GANC: variants seen among roughly 807,000 people sequenced by gnomAD.
GANC encodes the protein glucosidase alpha, neutral C.
Under a neutral mutation model 124.2 loss-of-function variants are expected in GANC, and 117 were observed. That is an observed-to-expected ratio of 0.94 (90% CI 0.81 to 1.10). The LOEUF (loss-of-function observed/expected upper bound fraction) is 1.10. Among genes scored for constraint, GANC ranks in the 50% least tolerant of loss-of-function variants. The pLI is 0.00. For synonymous variants in GANC, 377 were observed against 376.8 expected (o/e 1.00, Z -0.01); for missense variants, 1,140 against 1,095.0 (o/e 1.04, Z -0.58).
rs2051618492 is a variant in GANC at position 42,273,771 on chromosome 15, C to T, written c.-711C>T. 1 of 221,766 alleles carries T rather than the reference C, an allele frequency of 4.5e-6. No individual in the cohort carries two copies. The highest frequency in any genetic ancestry group is 5.1e-5 in the Admixed American group (1 of 19,602). The allele number at this position is 221,766 out of a possible 1,614,324, so 13.7% of individuals were successfully genotyped here. On this transcript the variant is annotated 5_prime_UTR_variant, in exon 1 of 24. Transcript: ENST00000318010. The stretch of plus-strand genomic sequence containing the variant: ...TCATCCCTTCTAAGTCAATGTCAGA[C>T]TTTGGGGCCAGAAAGTCTGGAAAAG...
intron 10 of GANC, among the ~76,000 whole-genome samples, chr15:42,319,815 C>T (rs2052141051): frequency 6.6e-6 from 1 of 152,184 alleles, no homozygotes. Flanking sequence ...GGTTGAGCAT[C>T]CCAATCTGAA....
intron 14 of GANC, 64 bp from the exon 15 acceptor site, chr15:42,330,512 C>A: frequency 8.9e-7 from 1 of 1,125,784 alleles, no homozygotes; most frequent in Non-Finnish European, 1.3e-6. Flanking sequence ...TGTTAGATAG[C>A]TTATTGGGGA....
chr15:42,276,655 C>T (rs940037426), intron 2 of GANC, among the ~76,000 whole-genome samples: 1 of 152,070 alleles, frequency 6.6e-6, no homozygotes, highest in Non-Finnish European at 1.5e-5. Context: ...TAAATTTTGA[C>T]GCTTTGAATA....
chr15:42,338,631 A>G (rs2052302893), intron 16 of GANC, 141 bp downstream of exon 16: 2 of 676,832 alleles, frequency 3.0e-6, no homozygotes, highest in African/African-American at 1.8e-5. Flanking sequence ...GAAAGTGAAG[A>G]GGAGCGGATT....
At chr15:42,281,015 C>T (rs1237279327) in intron 3 of GANC, 4 of 702,508 alleles carry the variant, frequency 5.7e-6, no homozygotes, top group East Asian at 5.4e-5. Context: ...CAAGACAGCA[C>T]CTGGCTCAAA....
At chr15:42,341,259 T>C (rs2052327793) in intron 18 of GANC, among the ~76,000 whole-genome samples, 1 of 152,128 alleles carries the variant, frequency 6.6e-6, no homozygotes, top group South Asian at 2.1e-4. Flanking sequence ...GTAGCATTTC[T>C]CATAATATTG....
intron 2 of GANC, among the ~76,000 whole-genome samples, chr15:42,276,732 CCT>C (rs1307570470): frequency 6.6e-6 from 1 of 152,160 alleles, no homozygotes; most frequent in African/African-American, 2.4e-5. Context: ...TGCTTCCACT[CCT>C]GTCCCCTTCT....
chr15:42,290,185 A>G (rs1025807933), intron 4 of GANC, among the ~76,000 whole-genome samples: 3 of 152,352 alleles, frequency 2.0e-5, no homozygotes, highest in Non-Finnish European at 4.4e-5. Context: ...CAACTAAAAT[A>G]AAGTGGCCCA....
At chr15:42,314,266 G>C in intron 10 of GANC, 3 of 663,866 alleles carry the variant, frequency 4.5e-6, no homozygotes. Context: ...TTTAAAGCCT[G>C]ATGAGGAAAG....
chr15:42,290,256 C>G (rs1054591464), intron 4 of GANC, among the ~76,000 whole-genome samples: 18 of 152,152 alleles, frequency 1.2e-4, no homozygotes, highest in African/African-American at 4.3e-4. Context: ...GAATTCAGAG[C>G]TCTGAGGTGG....
At chr15:42,297,708 A>T (rs1427680553) in intron 6 of GANC, 52 bp downstream of exon 6, 11 of 1,290,016 alleles carry the variant, frequency 8.5e-6, no homozygotes, top group Admixed American at 1.8e-5. Flanking sequence ...CATCATCATG[A>T]TAGGGCATAT....
At position 42,310,436 on chromosome 15, in the gene GANC, G is replaced by A. The variant is rs752701987; in HGVS notation, c.876G>A (p.Val292=). The change falls in exon 9 of 24, where the codon GTG becomes GTA. Residue 292 remains valine (V), a synonymous_variant. Coordinates refer to ENST00000318010, the MANE Select transcript of GANC (RefSeq NM_198141.3). ...IFWLNASETL[V]EINTEPAVEY... is the part of the protein sequence containing the mutation. The stretch of plus-strand genomic sequence containing the variant: ...GGCTGAATGCCTCGGAAACACTGGT[G>A]GAGATCAATACAGAGCCTGCAGTAG... 20 of 1,613,096 alleles carry A rather than the reference G, an allele frequency of 1.2e-5. No homozygotes were observed. Among genetic ancestry groups the A allele is most frequent in the Non-Finnish European group, 1.7e-5 (20 of 1,179,550 alleles).
intron 11 of GANC, among the ~76,000 whole-genome samples, chr15:42,325,705 A>G (rs1161975126): frequency 1.3e-5 from 2 of 152,190 alleles, no homozygotes; most frequent in Non-Finnish European, 1.5e-5. Context: ...AAGAACATCT[A>G]TTGGTTAGGC....
At chr15:42,329,475 T>A (rs2052224750) in intron 14 of GANC, 26 bp downstream of exon 14, 1 of 1,587,406 alleles carries the variant, frequency 6.3e-7, no homozygotes, top group Admixed American at 1.8e-5. Flanking sequence ...AGAATTAAAC[T>A]GGGCTTGTGT....
chr15:42,350,746 G>A (rs1038477154), intron 22 of GANC, among the ~76,000 whole-genome samples: 1 of 151,174 alleles, frequency 6.6e-6, no homozygotes. Flanking sequence ...AGTAGAGACG[G>A]GGTTTCGTCA....
rs912243121 is a variant in GANC at position 42,352,198 on chromosome 15, C to T, written c.*59C>T. ...CTGCCTGCCCCTTTCAACCTTTCCCCTCACCTTTTTTGAGATTTTTGCTGC... is the reference window on the plus strand; with the variant it reads ...CTGCCTGCCCCTTTCAACCTTTCCCTTCACCTTTTTTGAGATTTTTGCTGC... On this transcript the variant is annotated 3_prime_UTR_variant, in exon 24 of 24. Transcript: ENST00000318010. The T allele has an allele frequency of 4.4e-6, 7 of 1,593,560 alleles. No homozygotes were observed. The African/African-American group carries it at 8.1e-5, about 18-fold the overall frequency.
chr15:42,325,109 CA>C (rs753549250), intron 11 of GANC, among the ~76,000 whole-genome samples: 484 of 132,096 alleles, frequency 3.7e-3, no homozygotes, highest in Non-Finnish European at 3.9e-3. Flanking sequence ...ATTAAAAATA[CA>C]AAAAAAAAAA....
chr15:42,302,487 T>A (rs559015995), intron 6 of GANC, among the ~76,000 whole-genome samples: 53 of 152,188 alleles, frequency 3.5e-4, no homozygotes, highest in African/African-American at 1.3e-3. Flanking sequence ...TGAACAAAAT[T>A]GGACGGAGAA....
intron 2 of GANC, among the ~76,000 whole-genome samples, chr15:42,276,673 C>G (rs1238103848): frequency 6.6e-6 from 1 of 152,070 alleles, no homozygotes; most frequent in East Asian, 1.9e-4. Flanking sequence ...ATAGATAACA[C>G]TTTTACATGG....
Sources: gnomAD v4.1 joint callset for allele counts (sites outside exome capture counted in the v4.1 genomes callset) on GRCh38, gnomAD v4.1.1 for gene constraint, MANE v1.5 for transcripts, NCBI Gene and HGNC (gene_info 2026-07-23, HGNC 2026-07-21) for gene names.